STS: variants seen among roughly 807,000 people sequenced by gnomAD.
STS encodes steryl-sulfatase.
In STS, 7 loss-of-function variants were observed where a neutral mutation model predicts 26.8. The ratio of observed to expected loss-of-function variants is 0.26; its 90% confidence interval spans 0.15 to 0.49. The LOEUF is 0.49. STS is among the 20% of genes least tolerant of loss of function. The pLI is 0.98. For synonymous variants in STS, 199 were observed against 189.4 expected (o/e 1.05, Z -0.42); for missense variants, 434 against 465.6 (o/e 0.93, Z 0.63).
At chrX:7,310,172 C>T (rs767402526) in intron 8 of STS, among the ~76,000 whole-genome samples, 3 of 111,977 alleles carry the variant, frequency 2.7e-5, no homozygotes, top group Non-Finnish European at 5.6e-5. Flanking sequence ...TCATAGACAG[C>T]AAGATAAATA....
chrX:7,208,858 T>C (rs1301696964), intron 2 of STS, among the ~76,000 whole-genome samples: 1 of 111,170 alleles, frequency 9.0e-6, no homozygotes, highest in Non-Finnish European at 1.9e-5. Flanking sequence ...GCTCTAGGGG[T>C]TGAATTCCTC....
chrX:7,315,091 TG>T (rs1450840170), intron 8 of STS, among the ~76,000 whole-genome samples: 1 of 112,517 alleles, frequency 8.9e-6, no homozygotes, highest in East Asian at 2.8e-4. Context: ...TATAGGCTTC[TG>T]TTTTTTTCCC....
At chrX:7,261,966 T>A (rs1923770094) in intron 6 of STS, among the ~76,000 whole-genome samples, 1 of 112,222 alleles carries the variant, frequency 8.9e-6, no homozygotes, top group Non-Finnish European at 1.9e-5. Context: ...AAAATCTAAA[T>A]TGTCATTGAA....
chrX:7,290,252 T>C (rs1925347693), intron 7 of STS, among the ~76,000 whole-genome samples: 1 of 111,446 alleles, frequency 9.0e-6, no homozygotes, highest in South Asian at 3.8e-4. Context: ...CAGCATTAAA[T>C]TGGGGGTTCA....
At chrX:7,302,404 C>T (rs5934923) in intron 7 of STS, among the ~76,000 whole-genome samples, 3 of 111,460 alleles carry the variant, frequency 2.7e-5, no homozygotes, top group African/African-American at 9.8e-5. Flanking sequence ...ACCCCAAGCC[C>T]GAGAGCACAG....
At chrX:7,288,639 CGTGTGTGTGTGT>C (rs58375124) in intron 7 of STS, among the ~76,000 whole-genome samples, 122 of 89,582 alleles carry the variant, frequency 1.4e-3, no homozygotes, top group African/African-American at 4.1e-3. Context: ...AAATTCTGTA[CGTGTGTGTGTGT>C]GTGTGTGTGT....
intron 1 of STS, among the ~76,000 whole-genome samples, chrX:7,183,344 G>A (rs1014980072): frequency 1.3e-4 from 15 of 111,495 alleles, no homozygotes; most frequent in Admixed American, 1.2e-3. Flanking sequence ...ACACAACCTC[G>A]TGGACAATGG....
chrX:7,270,942 A>G (rs1924237690), intron 6 of STS, among the ~76,000 whole-genome samples: 1 of 109,974 alleles, frequency 9.1e-6, no homozygotes, highest in South Asian at 3.8e-4. Flanking sequence ...AATATGCCAC[A>G]ATTTTATGAT....
chrX:7,250,655 G>A (rs1479747336), intron 2 of STS, among the ~76,000 whole-genome samples: 3 of 112,250 alleles, frequency 2.7e-5, no homozygotes, highest in Non-Finnish European at 5.6e-5. Flanking sequence ...ATGGTTTCAC[G>A]TAATAATAGC....
At chrX:7,279,135 C>G (rs1234567938) in intron 7 of STS, among the ~76,000 whole-genome samples, 1 of 108,295 alleles carries the variant, frequency 9.2e-6, no homozygotes, top group Non-Finnish European at 1.9e-5. Flanking sequence ...AAAACCCCAT[C>G]TCTACTAAAA....
intron 1 of STS, among the ~76,000 whole-genome samples, chrX:7,185,193 A>G (rs1569183424): frequency 1.8e-5 from 2 of 112,526 alleles, no homozygotes; most frequent in Admixed American, 1.9e-4. Context: ...CTCTCAGAGC[A>G]TTTTTGCTAG....
At chrX:7,277,769 G>A (rs1328710882) in intron 7 of STS, among the ~76,000 whole-genome samples, 2 of 112,022 alleles carry the variant, frequency 1.8e-5, no homozygotes, top group Non-Finnish European at 3.8e-5. Context: ...TACGCTTAGG[G>A]CTCGTACATA....
chrX:7,287,692 T>C (rs1925204923), intron 7 of STS, among the ~76,000 whole-genome samples: 1 of 109,710 alleles, frequency 9.1e-6, no homozygotes, highest in Admixed American at 9.8e-5. Flanking sequence ...ATTTATTTAT[T>C]TATTTATTTG....
At chrX:7,219,118 A>G (rs1442843275) in intron 2 of STS, among the ~76,000 whole-genome samples, 1 of 111,956 alleles carries the variant, frequency 8.9e-6, no homozygotes, top group Admixed American at 9.5e-5. Context: ...AGCTTAAACT[A>G]TCTTTAGGAA....
At chrX:7,345,998 C>A (rs1208991675) in intron 10 of STS, among the ~76,000 whole-genome samples, 1 of 111,563 alleles carries the variant, frequency 9.0e-6, no homozygotes, top group East Asian at 2.8e-4. Flanking sequence ...GAAATCACAA[C>A]GTCTCTTCTG....
intron 2 of STS, among the ~76,000 whole-genome samples, chrX:7,220,275 A>G (rs1469973213): frequency 1.8e-5 from 2 of 111,319 alleles, no homozygotes; most frequent in African/African-American, 6.6e-5. Flanking sequence ...CCCTTCTGCA[A>G]TATCCCCGAC....
Position 7,287,722 on chromosome X carries a change from A to C in STS, c.943+11635A>C, listed in dbSNP as rs377413944. ...TATTTGTATTTCAGGTAGTGCTATA[A>C]GTGAATATTCTGTAAAGCTGTGTGA... On this transcript the variant is annotated intron_variant, in intron 7 of 10. Coordinates refer to ENST00000674429, the MANE Select transcript of STS (RefSeq NM_001320752.2). Among the ~76,000 whole-genome samples the C allele has an allele frequency of 6.5e-5, 7 of 108,421 alleles. No individual in the cohort carries two copies. In the East Asian group the frequency reaches 1.7e-3, roughly 26 times the overall value. The allele number at this position is 108,421 out of a possible 115,157, so 94.2% of individuals were successfully genotyped here. A position where few individuals can be genotyped will look rare whatever the true frequency, so the allele number is the denominator to read the frequency against.
At chrX:7,202,202 TA>T (rs1934085858) in intron 2 of STS, among the ~76,000 whole-genome samples, 1 of 111,965 alleles carries the variant, frequency 8.9e-6, no homozygotes, top group Non-Finnish European at 1.9e-5. Flanking sequence ...CTTTATTATA[TA>T]ACATAAGGTA....
At chrX:7,190,491 A>C (rs773272413) in intron 1 of STS, among the ~76,000 whole-genome samples, 22 of 111,472 alleles carry the variant, frequency 2.0e-4, no homozygotes, top group African/African-American at 6.2e-4. Context: ...GCAGTAAAGA[A>C]AGAGCTTAAG....
Sources: allele counts gnomAD v4.1 joint callset (sites outside exome capture counted in the v4.1 genomes callset), GRCh38; gene constraint gnomAD v4.1.1; transcripts MANE v1.5; gene names NCBI Gene and HGNC (gene_info 2026-07-23, HGNC 2026-07-21).